Variants in B3GLCT observed in about 807,000 individuals in gnomAD.
B3GLCT encodes beta 3-glucosyltransferase.
B3GLCT carries 65 observed loss-of-function variants against 63.4 expected under a neutral mutation model. That is an observed-to-expected ratio of 1.03 (90% CI 0.84 to 1.26). The LOEUF (loss-of-function observed/expected upper bound fraction) is 1.26. Ranked by LOEUF, B3GLCT falls within the 50% of genes most tolerant of loss-of-function variation. The probability of loss-of-function intolerance (pLI) is 0.00; values close to 1 mark genes in which losing one functional copy is unlikely to be tolerated. For missense variants in B3GLCT, 577 were observed against 604.8 expected (o/e 0.95, Z 0.48); for synonymous variants, 233 against 219.2 (o/e 1.06, Z -0.55).
chr13:31,202,337 G>A lies in B3GLCT; in HGVS notation c.70+2183G>A, dbSNP rs542133086. 1.5e-4 allele frequency among the ~76,000 whole-genome samples: 23 copies of A among 152,320 alleles called. No homozygotes were observed. The South Asian group carries it at 3.3e-3, about 22-fold the overall frequency. On this transcript the variant is annotated intron_variant, in intron 1 of 14. Coordinates refer to ENST00000343307, the MANE Select transcript of B3GLCT (RefSeq NM_194318.4). Reference sequence around the variant, plus strand: ...GCACCAGTTTCAGAATGAGAAGATTGAGTCAGGCCTCCAGGTTACCATTTG... The same window carrying A: ...GCACCAGTTTCAGAATGAGAAGATTAAGTCAGGCCTCCAGGTTACCATTTG...
chr13:31,214,986 G>C (rs540845119), intron 1 of B3GLCT, 65 bp from the exon 2 acceptor site: 186 of 1,425,724 alleles, frequency 1.3e-4, no homozygotes, highest in Non-Finnish European at 1.6e-4. Context: ...AAAACTGTTG[G>C]ATGTGAGAAT....
At chr13:31,285,936 C>T (rs951684655) in intron 11 of B3GLCT, among the ~76,000 whole-genome samples, 7 of 151,976 alleles carry the variant, frequency 4.6e-5, no homozygotes, top group Admixed American at 6.6e-5. Context: ...CTTTGAAACA[C>T]GTATTGTAAT....
chr13:31,232,950 C>T (rs927496440), intron 4 of B3GLCT, among the ~76,000 whole-genome samples: 1 of 152,078 alleles, frequency 6.6e-6, no homozygotes, highest in Non-Finnish European at 1.5e-5. Flanking sequence ...TAGAAGTTTC[C>T]TTGTATTTCT....
chr13:31,208,648 A>C (rs1869106723), intron 1 of B3GLCT, among the ~76,000 whole-genome samples: 1 of 100,828 alleles, frequency 9.9e-6, no homozygotes, highest in African/African-American at 3.7e-5. Flanking sequence ...TGCCACCTTC[A>C]TTGAGGCCCT....
At position 31,208,631 on chromosome 13, in the gene B3GLCT, C is replaced by T. The variant is rs74242042; in HGVS notation, c.71-6420C>T. Among the ~76,000 whole-genome samples, 397 of 133,498 alleles carry T rather than the reference C, an allele frequency of 3.0e-3. 11 individuals carry two copies. The highest frequency in any genetic ancestry group is 6.7e-3 in the African/African-American group (240 of 35,932). 87.6% of individuals were successfully genotyped at this position (133,498 alleles called of 152,430 possible). A position where few individuals can be genotyped will look rare whatever the true frequency, so the allele number is the denominator to read the frequency against. On this transcript the variant is annotated intron_variant, in intron 1 of 14. Coordinates refer to ENST00000343307, the MANE Select transcript of B3GLCT (RefSeq NM_194318.4). The stretch of plus-strand genomic sequence containing the variant: ...TGCTTCTTTAGTGGCCCCCCCCCCC[C>T]GCTCACTGCCACCTTCATTGAGGCC...
rs549558892 is a variant in B3GLCT at position 31,244,616 on chromosome 13, G to A, written c.271-2407G>A. 9.2e-5 allele frequency among the ~76,000 whole-genome samples: 14 copies of A among 152,216 alleles called. No homozygotes were observed. In the South Asian group the frequency reaches 2.5e-3, roughly 27 times the overall value. ...ACATAAATTATTATAATCCTAAGTG[G>A]TAGGAACTGAGATAAGATCATTTGA... On this transcript the variant is annotated intron_variant, in intron 4 of 14. Transcript: ENST00000343307.
At chr13:31,203,557 T>C (rs1296992654) in intron 1 of B3GLCT, among the ~76,000 whole-genome samples, 3 of 152,158 alleles carry the variant, frequency 2.0e-5, no homozygotes, top group African/African-American at 7.2e-5. Flanking sequence ...TGGAGCCAGG[T>C]TTTTTTGGTG....
chr13:31,272,539 T>A (rs2137853198), intron 8 of B3GLCT, among the ~76,000 whole-genome samples: 1 of 152,222 alleles, frequency 6.6e-6, no homozygotes, highest in African/African-American at 2.4e-5. Context: ...ATTTTAAAGT[T>A]CCTTGTCTTC....
intron 8 of B3GLCT, among the ~76,000 whole-genome samples, chr13:31,269,771 C>T (rs531692832): frequency 4.6e-5 from 7 of 152,126 alleles, no homozygotes; most frequent in East Asian, 3.9e-4. Context: ...TAAAAGAGGC[C>T]GCAGGGGGCT....
chr13:31,285,047 G>T (rs1321651885), intron 11 of B3GLCT, among the ~76,000 whole-genome samples: 1 of 152,078 alleles, frequency 6.6e-6, no homozygotes, highest in Admixed American at 6.6e-5. Flanking sequence ...CGACCATGAT[G>T]GGGTGTTTAT....
chr13:31,215,224 T>C lies in B3GLCT; in HGVS notation c.120+124T>C, dbSNP rs1021003325. The C allele has an allele frequency of 8.7e-6, 9 of 1,033,040 alleles. No individual in the cohort carries two copies. In the Admixed American group the frequency reaches 1.7e-4, roughly 19 times the overall value. The allele number at this position is 1,033,040 out of a possible 1,614,324, so 64.0% of individuals were successfully genotyped here. The stretch of plus-strand genomic sequence containing the variant: ...TTATTGTTACATAATTCATATAATG[T>C]GGTCAACATGGATTTTGAATCCCTA... On this transcript the variant is annotated intron_variant, in intron 2 of 14. Transcript: ENST00000343307.
chr13:31,317,820 A>G, intron 13 of B3GLCT, 135 bp downstream of exon 13: 1 of 1,046,468 alleles, frequency 9.6e-7, no homozygotes, highest in Non-Finnish European at 1.4e-6. Context: ...ATAATAGGAA[A>G]GTGAACATTA....
chr13:31,259,003 C>T (rs755815339), intron 6 of B3GLCT, among the ~76,000 whole-genome samples: 6 of 151,900 alleles, frequency 3.9e-5, no homozygotes, highest in Non-Finnish European at 8.8e-5. Context: ...TATTTTTTAC[C>T]GGACTTGCTT....
chr13:31,245,557 A>G lies in B3GLCT; in HGVS notation c.271-1466A>G, dbSNP rs1004215710. Among the ~76,000 whole-genome samples the G allele has an allele frequency of 1.6e-3, 247 of 152,264 alleles. 1 individual carries two copies. Among genetic ancestry groups the G allele is most frequent in the African/African-American group, 5.7e-3 (235 of 41,556 alleles). Reference sequence around the variant, plus strand: ...GTTTTTTTCTATTAAACATAAAGACATTTCCGTTGTTATAAAGTTTTCATC... The same window carrying G: ...GTTTTTTTCTATTAAACATAAAGACGTTTCCGTTGTTATAAAGTTTTCATC... On this transcript the variant is annotated intron_variant, in intron 4 of 14. Transcript: ENST00000343307.
At chr13:31,239,169 A>C (rs779567854) in intron 4 of B3GLCT, among the ~76,000 whole-genome samples, 6 of 152,128 alleles carry the variant, frequency 3.9e-5, no homozygotes, top group Non-Finnish European at 7.4e-5. Context: ...GTGGAATGTG[A>C]TCTTTGTAGA....
At chr13:31,317,495 A>G in intron 12 of B3GLCT, 71 bp from the exon 13 acceptor site, 4 of 1,578,368 alleles carry the variant, frequency 2.5e-6, no homozygotes, top group Non-Finnish European at 3.5e-6. Flanking sequence ...GTGGGATGTA[A>G]GAACCATAAA....
intron 6 of B3GLCT, among the ~76,000 whole-genome samples, chr13:31,255,947 A>G (rs1219338135): frequency 6.6e-6 from 1 of 152,264 alleles, no homozygotes; most frequent in Non-Finnish European, 1.5e-5. Context: ...GACAGATGGC[A>G]TCTGATTAAA....
intron 4 of B3GLCT, among the ~76,000 whole-genome samples, chr13:31,231,812 TG>T (rs1246010889): frequency 1.3e-5 from 2 of 152,196 alleles, no homozygotes; most frequent in Non-Finnish European, 2.9e-5. Flanking sequence ...AGGCTGTTGC[TG>T]GGGGCTGGGT....
intron 12 of B3GLCT, among the ~76,000 whole-genome samples, chr13:31,288,434 C>G (rs996552861): frequency 6.6e-6 from 1 of 152,194 alleles, no homozygotes; most frequent in Non-Finnish European, 1.5e-5. Flanking sequence ...CACCTGCAGG[C>G]CCAAGAATCA....
Sources: allele counts gnomAD v4.1 joint callset (sites outside exome capture counted in the v4.1 genomes callset), GRCh38; gene constraint gnomAD v4.1.1; transcripts MANE v1.5; gene names NCBI Gene and HGNC (gene_info 2026-07-23, HGNC 2026-07-21).